Variants in POLN observed in about 807,000 individuals in gnomAD.
POLN encodes the protein DNA polymerase nu.
A neutral mutation model predicts 113.5 loss-of-function variants in POLN; 108 were observed. The ratio of observed to expected loss-of-function variants is 0.95; its 90% CI spans 0.81 to 1.12. The LOEUF is 1.12. Among genes scored for constraint, POLN ranks in the 50% most tolerant of loss-of-function variants. The probability of loss-of-function intolerance (pLI) is 0.00; values close to 1 mark genes in which losing one functional copy is unlikely to be tolerated. For missense variants in POLN, 1,097 were observed against 1,077.1 expected, an observed-to-expected ratio of 1.02 and a Z score of -0.26; for synonymous variants, 386 against 391.5, an observed-to-expected ratio of 0.99 and a Z score of 0.17.
intron 16 of POLN, among the ~76,000 whole-genome samples, chr4:2,146,461 C>T (rs918697268): frequency 1.4e-4 from 22 of 152,304 alleles, no homozygotes; most frequent in African/African-American, 4.3e-4. Flanking sequence ...GCCAAGATTG[C>T]GCCATTGCAC....
At chr4:2,096,491 C>G (rs971951214) in intron 19 of POLN, among the ~76,000 whole-genome samples, 11 of 152,348 alleles carry the variant, frequency 7.2e-5, no homozygotes, top group African/African-American at 1.9e-4. Flanking sequence ...GCTGAGACAT[C>G]TGAGTAGCAC....
intron 3 of POLN, among the ~76,000 whole-genome samples, chr4:2,214,523 T>C (rs1345248247): frequency 6.6e-6 from 1 of 151,620 alleles, no homozygotes; most frequent in Non-Finnish European, 1.5e-5. Context: ...AACAGAAAAA[T>C]GAGCAAAGAA....
intron 16 of POLN, among the ~76,000 whole-genome samples, chr4:2,147,447 G>T (rs1732173076): frequency 6.6e-6 from 1 of 152,040 alleles, no homozygotes; most frequent in African/African-American, 2.4e-5. Context: ...ATCTGAGTTG[G>T]GGAAAGAGGA....
Position 2,231,523 on chromosome 4 carries a change from C to T in POLN, c.-12-2280G>A, listed in dbSNP as rs183516458. The T allele has an allele frequency of 4.6e-3, 713 of 155,470 alleles. 4 individuals are homozygous for T. Among genetic ancestry groups the T allele is most frequent in the African/African-American group, 6.6e-3 (274 of 41,508 alleles). The allele number at this position is 155,470 out of a possible 1,614,324, so 9.6% of individuals were successfully genotyped here. A position where few individuals can be genotyped will look rare whatever the true frequency, so the allele number is the denominator to read the frequency against. ...CTGAGGCAGGAGAATCACTTGAACC[C>T]GGGAGGCAGAGGTTGCAGTGAGCCA... On this transcript the variant is annotated intron_variant, in intron 2 of 25. Transcript: ENST00000511885.
intron 25 of POLN, 46 bp from the exon 26 acceptor site, chr4:2,072,345 C>A (rs774949294): frequency 1.4e-6 from 2 of 1,456,308 alleles, no homozygotes; most frequent in African/African-American, 1.4e-5. Context: ...GGCCAGCCAC[C>A]CCCAGCCACC....
At chr4:2,199,784 C>A (rs572940427) in intron 5 of POLN, among the ~76,000 whole-genome samples, 2 of 89,690 alleles carry the variant, frequency 2.2e-5, no homozygotes, top group South Asian at 6.0e-4. Flanking sequence ...TCACTGTGTT[C>A]CAGGCTGGTC....
At chr4:2,175,685 C>T (rs975978339) in intron 9 of POLN, among the ~76,000 whole-genome samples, 11 of 152,248 alleles carry the variant, frequency 7.2e-5, no homozygotes, top group Admixed American at 5.9e-4. Flanking sequence ...TCTCCTGCCC[C>T]TCCAGACCCA....
At chr4:2,109,171 G>C (rs1018476724) in intron 19 of POLN, among the ~76,000 whole-genome samples, 2 of 152,202 alleles carry the variant, frequency 1.3e-5, no homozygotes, top group Admixed American at 1.3e-4. Context: ...CATTTAGGAG[G>C]AAATGATTGA....
chr4:2,085,847 G>T, intron 20 of POLN, 103 bp from the exon 21 acceptor site: 1 of 1,474,298 alleles, frequency 6.8e-7, no homozygotes, highest in Non-Finnish European at 9.2e-7. Flanking sequence ...GGTCTTTTCT[G>T]ATGGGTTGGG....
intron 16 of POLN, chr4:2,139,732 T>C (rs962052913): frequency 2.0e-5 from 3 of 152,222 alleles, no homozygotes; most frequent in African/African-American, 4.8e-5. Context: ...TTTTGATAGA[T>C]ATTTAAATTA....
At chr4:2,156,569 GA>G (rs1732438801) in intron 16 of POLN, 3 of 638,532 alleles carry the variant, frequency 4.7e-6, no homozygotes, top group Non-Finnish European at 8.6e-6. Context: ...TTCTGGGTGT[GA>G]AGCCCCCCTC....
intron 16 of POLN, among the ~76,000 whole-genome samples, chr4:2,133,773 T>C (rs1000557395): frequency 1.3e-5 from 2 of 152,182 alleles, no homozygotes; most frequent in East Asian, 1.9e-4. Context: ...CCCAGTGAGG[T>C]TGTTTCACAC....
intron 19 of POLN, among the ~76,000 whole-genome samples, chr4:2,102,054 G>C (rs900871344): frequency 5.9e-5 from 9 of 152,134 alleles, no homozygotes; most frequent in Admixed American, 3.9e-4. Flanking sequence ...GTGATCACTG[G>C]AACAGGCCCT....
chr4:2,161,208 A>G, intron 13 of POLN, among the ~76,000 whole-genome samples: 1 of 148,462 alleles, frequency 6.7e-6, no homozygotes, highest in African/African-American at 2.5e-5. Flanking sequence ...ACACTGTGGG[A>G]GCCCCTTTCT....
At chr4:2,075,226 G>A (rs1382848988) in intron 24 of POLN, among the ~76,000 whole-genome samples, 2 of 152,252 alleles carry the variant, frequency 1.3e-5, no homozygotes. Context: ...CGCTCTCTGA[G>A]GGGCTGGTGG....
Position 2,241,215 on chromosome 4 carries a change from A to C in POLN, c.-13+305T>G, listed in dbSNP as rs1734974827. 1.4e-5 allele frequency: 5 copies of C among 352,930 alleles called. No homozygotes were observed. In the South Asian group the frequency reaches 1.9e-4, roughly 13 times the overall value. The allele number at this position is 352,930 out of a possible 1,614,324, so 21.9% of individuals were successfully genotyped here. On this transcript the variant is annotated intron_variant, in intron 2 of 25. Coordinates refer to ENST00000511885, the MANE Select transcript of POLN (RefSeq NM_181808.4). The stretch of plus-strand genomic sequence containing the variant: ...ATAAATGACAGGTAGTCGTAGCTGC[A>C]ATGTTTGATGATGATAAAGAGAAAC...
At chr4:2,211,298 T>G (rs556163070) in intron 4 of POLN, among the ~76,000 whole-genome samples, 22 of 143,340 alleles carry the variant, frequency 1.5e-4, no homozygotes, top group South Asian at 2.2e-4. Context: ...ATAATAATAA[T>G]AAGAGGATTG....
intron 11 of POLN, among the ~76,000 whole-genome samples, chr4:2,171,587 C>T: frequency 6.6e-6 from 1 of 151,554 alleles, no homozygotes; most frequent in East Asian, 1.9e-4. Context: ...CACAAAATTC[C>T]CAAAGAAAGC....
At chr4:2,100,227 A>G (rs753229676) in intron 19 of POLN, among the ~76,000 whole-genome samples, 5 of 152,190 alleles carry the variant, frequency 3.3e-5, no homozygotes, top group Non-Finnish European at 4.4e-5. Context: ...GCTTATGGAA[A>G]TCTGGTTTTT....
Sources: allele counts gnomAD v4.1 joint callset (sites outside exome capture counted in the v4.1 genomes callset), GRCh38; gene constraint gnomAD v4.1.1; transcripts MANE v1.5; gene names NCBI Gene and HGNC (gene_info 2026-07-23, HGNC 2026-07-21).